Variants in PPP6R3 observed in about 807,000 individuals in gnomAD.
PPP6R3 encodes serine/threonine-protein phosphatase 6 regulatory subunit 3.
A neutral mutation model predicts 110.7 loss-of-function variants in PPP6R3; 38 were observed. The observed-to-expected ratio is 0.34, with a 90% CI of 0.26 to 0.45. The LOEUF (loss-of-function observed/expected upper bound fraction) is 0.45, where lower values mean the gene tolerates loss of function less well. PPP6R3 is among the 20% of genes least tolerant of loss of function. The pLI is 1.00. For synonymous variants in PPP6R3, 369 were observed against 373.5 expected, an observed-to-expected ratio of 0.99 and a Z score of 0.14; for missense variants, 870 against 1,062.4, an observed-to-expected ratio of 0.82 and a Z score of 2.52.
At chr11:68,591,012 T>C (rs1223800582) in intron 17 of PPP6R3, among the ~76,000 whole-genome samples, 2 of 152,082 alleles carry the variant, frequency 1.3e-5, no homozygotes, top group African/African-American at 4.8e-5. Flanking sequence ...TTTGACTCCT[T>C]TGTATTGCCA....
chr11:68,546,326 A>G (rs2099349036), intron 4 of PPP6R3, among the ~76,000 whole-genome samples: 1 of 152,172 alleles, frequency 6.6e-6, no homozygotes, highest in African/African-American at 2.4e-5. Flanking sequence ...TGGTTGTTGT[A>G]GCCATTATCC....
At chr11:68,486,496 T>G (rs1303674183) in intron 1 of PPP6R3, among the ~76,000 whole-genome samples, 1 of 151,480 alleles carries the variant, frequency 6.6e-6, no homozygotes, top group Non-Finnish European at 1.5e-5. Flanking sequence ...TCCCAGCTAC[T>G]TGGGAGGCTG....
intron 10 of PPP6R3, among the ~76,000 whole-genome samples, chr11:68,568,808 C>T (rs1316989747): frequency 2.7e-5 from 4 of 150,676 alleles, no homozygotes; most frequent in African/African-American, 4.9e-5. Flanking sequence ...CTGGCTCAGT[C>T]GCCCAGGCTG....
rs549623679 is a variant in PPP6R3 at position 68,475,607 on chromosome 11, C to T, written c.-158+14780C>T. 1.7e-4 allele frequency among the ~76,000 whole-genome samples: 26 copies of T among 150,866 alleles called. 1 individual carries two copies. The highest frequency in any genetic ancestry group is 1.6e-3 in the East Asian group (8 of 5,072). On this transcript the variant is annotated intron_variant, in intron 1 of 23. Coordinates refer to ENST00000393800, the MANE Select transcript of PPP6R3 (RefSeq NM_001164161.2). ...CGGGGGCTGCCCCCCACCTCCCTCC[C>T]GGACGGGGCGGCTGGCCGGGTGGGG...
intron 5 of PPP6R3, among the ~76,000 whole-genome samples, chr11:68,549,870 A>C (rs1187756695): frequency 1.3e-5 from 2 of 152,166 alleles, no homozygotes; most frequent in African/African-American, 4.8e-5. Context: ...TTGTGGATCC[A>C]CAGTCGGAGA....
intron 1 of PPP6R3, among the ~76,000 whole-genome samples, chr11:68,476,063 C>G (rs1338606538): frequency 1.3e-5 from 2 of 151,820 alleles, no homozygotes; most frequent in Middle Eastern, 6.9e-3. Context: ...GACGGGGTGG[C>G]GGCCGGGCAG....
At chr11:68,477,529 A>G (rs1308880974) in intron 1 of PPP6R3, among the ~76,000 whole-genome samples, 3 of 151,564 alleles carry the variant, frequency 2.0e-5, no homozygotes, top group African/African-American at 4.9e-5. Flanking sequence ...GTTTGAGACC[A>G]GCCTGTGCAA....
chr11:68,589,729 T>C (rs1003263800), intron 16 of PPP6R3, among the ~76,000 whole-genome samples: 1 of 152,348 alleles, frequency 6.6e-6, no homozygotes, highest in Admixed American at 6.5e-5. Context: ...CAGTGGAGCC[T>C]GTTGTTTGTC....
At chr11:68,510,003 T>A (rs1272754829) in intron 1 of PPP6R3, among the ~76,000 whole-genome samples, 1 of 151,358 alleles carries the variant, frequency 6.6e-6, no homozygotes, top group Non-Finnish European at 1.5e-5. Flanking sequence ...TCCACCTGAT[T>A]TGGCACCTCC....
At chr11:68,534,959 T>G (rs1468558571) in intron 2 of PPP6R3, among the ~76,000 whole-genome samples, 1 of 152,178 alleles carries the variant, frequency 6.6e-6, no homozygotes, top group African/African-American at 2.4e-5. Context: ...TACTTTTGTC[T>G]TTTTTTCTAC....
At chr11:68,585,119 G>T (rs963116286) in intron 15 of PPP6R3, among the ~76,000 whole-genome samples, 2 of 152,174 alleles carry the variant, frequency 1.3e-5, no homozygotes, top group Non-Finnish European at 2.9e-5. Context: ...CGTCACCAGT[G>T]GGGAGTGCCT....
rs551378462 is a variant in PPP6R3 at position 68,581,838 on chromosome 11, G to A, written c.1546-1205G>A. ...GGCCAGATTCACAAACAGAATGGGA[G>A]TGCTTTATCTATACCTTTGAGAGGA... On this transcript the variant is annotated intron_variant, in intron 14 of 23. Coordinates refer to ENST00000393800, the MANE Select transcript of PPP6R3 (RefSeq NM_001164161.2). 3.9e-5 allele frequency among the ~76,000 whole-genome samples: 6 copies of A among 152,340 alleles called. No individual in the cohort carries two copies. The South Asian group carries it at 1.2e-3, about 32-fold the overall frequency.
chr11:68,544,382 T>G (rs575540075), intron 3 of PPP6R3, among the ~76,000 whole-genome samples: 69 of 152,336 alleles, frequency 4.5e-4, no homozygotes, highest in African/African-American at 1.5e-3. Context: ...TCCAGGTCCC[T>G]ACAGAGTGCC....
At chr11:68,464,786 G>A (rs770256906) in intron 1 of PPP6R3, among the ~76,000 whole-genome samples, 18 of 152,124 alleles carry the variant, frequency 1.2e-4, no homozygotes, top group Non-Finnish European at 2.5e-4. Flanking sequence ...TTGCTTCTGT[G>A]CTGAATAATC....
chr11:68,525,654 C>A (rs2099193226), intron 2 of PPP6R3, among the ~76,000 whole-genome samples: 1 of 152,114 alleles, frequency 6.6e-6, no homozygotes, highest in African/African-American at 2.4e-5. Context: ...AAAAAACGGG[C>A]TTTTGAAAGA....
chr11:68,491,651 A>C (rs2098985146), intron 1 of PPP6R3, among the ~76,000 whole-genome samples: 1 of 152,022 alleles, frequency 6.6e-6, no homozygotes, highest in Admixed American at 6.6e-5. Context: ...GTCCCAGCCC[A>C]TTTTAACTGT....
rs559051289 is a variant in PPP6R3 at position 68,576,290 on chromosome 11, A to G, written c.1545+247A>G. 4.2e-4 allele frequency among the ~76,000 whole-genome samples: 64 copies of G among 152,240 alleles called. 2 individuals are homozygous for G. The highest frequency in any genetic ancestry group is 1.5e-3 in the African/African-American group (63 of 41,532). ...GTCACTGATTTCTGCTCCACATCCT[A>G]CTTAGTGTCCATTTCCCTCCATGCC... On this transcript the variant is annotated intron_variant, in intron 14 of 23. Transcript: ENST00000393800.
Position 68,614,749 on chromosome 11 carries a change from G to C in PPP6R3, c.*1632G>C, listed in dbSNP as rs939771417. 25 of 1,537,438 alleles carry C rather than the reference G, an allele frequency of 1.6e-5. No individual in the cohort carries two copies. Among genetic ancestry groups the C allele is most frequent in the Non-Finnish European group, 1.6e-5 (18 of 1,138,224 alleles). On this transcript the variant is annotated 3_prime_UTR_variant, in exon 24 of 24. Transcript: ENST00000393800. ...TCCTCAGGAACCCCCTTTCCCGGGTGAGCCCCTCTCTGAAGAGACTGTCCT... is the reference window on the plus strand; with the variant it reads ...TCCTCAGGAACCCCCTTTCCCGGGTCAGCCCCTCTCTGAAGAGACTGTCCT...
At chr11:68,540,290 A>C (rs67005337) in intron 3 of PPP6R3, among the ~76,000 whole-genome samples, 34,991 of 152,096 alleles carry the variant, frequency 0.23, 4,278 homozygotes, top group Middle Eastern at 0.32. Context: ...GAGAGATTTT[A>C]AAAGCTGGGC....
Sources: allele counts gnomAD v4.1 joint callset (sites outside exome capture counted in the v4.1 genomes callset), GRCh38; gene constraint gnomAD v4.1.1; transcripts MANE v1.5; gene names NCBI Gene and HGNC (gene_info 2026-07-23, HGNC 2026-07-21).